The following ODAD2 variants were observed in gnomAD, a reference collection of about 807,000 sequenced individuals.
ODAD2 encodes the protein outer dynein arm-docking complex subunit 2.
A neutral mutation model predicts 106.8 loss-of-function variants in ODAD2; 89 were observed. The ratio of observed to expected loss-of-function variants is 0.83; its 90% confidence interval spans 0.70 to 0.99. The LOEUF (loss-of-function observed/expected upper bound fraction) is 0.99, where lower values mean the gene tolerates loss of function less well. Among genes scored for constraint, ODAD2 ranks in the 50% least tolerant of loss-of-function variants. The probability of loss-of-function intolerance (pLI) is 0.00; values close to 1 mark genes in which losing one functional copy is unlikely to be tolerated. For synonymous variants in ODAD2, 404 were observed against 436.2 expected, an observed-to-expected ratio of 0.93 and a Z score of 0.92; for missense variants, 1,168 against 1,238.5, an observed-to-expected ratio of 0.94 and a Z score of 0.85.
At chr10:27,841,507 T>C in intron 19 of ODAD2, among the ~76,000 whole-genome samples, 1 of 152,128 alleles carries the variant, frequency 6.6e-6, no homozygotes, top group Non-Finnish European at 1.5e-5. Context: ...GCAATTCTCC[T>C]GCTTCGGCCT....
chr10:27,885,482 G>A (rs1217091123), intron 17 of ODAD2, among the ~76,000 whole-genome samples: 1 of 108,250 alleles, frequency 9.2e-6, no homozygotes, highest in Non-Finnish European at 1.7e-5. Context: ...TGCACTTCAG[G>A]CTGGGTGACA....
intron 19 of ODAD2, among the ~76,000 whole-genome samples, chr10:27,853,651 CA>C (rs1340939464): frequency 6.6e-6 from 1 of 151,856 alleles, no homozygotes; most frequent in Non-Finnish European, 1.5e-5. Context: ...TTTTTAATTG[CA>C]AAAGAAATTC....
chr10:27,917,009 A>T (rs1844431958), intron 16 of ODAD2, among the ~76,000 whole-genome samples: 1 of 152,204 alleles, frequency 6.6e-6, no homozygotes, highest in Non-Finnish European at 1.5e-5. Context: ...AAGATAGAAA[A>T]GACTGAAAAA....
At chr10:27,884,001 G>T (rs973027835) in intron 17 of ODAD2, among the ~76,000 whole-genome samples, 1 of 151,686 alleles carries the variant, frequency 6.6e-6, no homozygotes, top group Non-Finnish European at 1.5e-5. Context: ...AGAGAAAGAG[G>T]CAGAAAGGAT....
rs774587003 is a variant in ODAD2, at chr10:27,944,248, TCA to T, written c.1715_1716del (p.Val572GlufsTer18). 1 of 1,613,220 alleles carries T rather than the reference TCA, an allele frequency of 6.2e-7. No homozygotes were observed. Among genetic ancestry groups the T allele is most frequent in the East Asian group, 2.2e-5 (1 of 44,786 alleles). ...AGTTTGGTGATACCCCCGTGCTGCCTCACCACCCGCCGTGCTCTTTTAAACTT... is the reference window on the plus strand; with the variant it reads ...AGTTTGGTGATACCCCCGTGCTGCCTCCACCCGCCGTGCTCTTTTAAACTT... ...VAKFKRARRV[V>X]RQHGGITKLV... is the part of the protein sequence containing the mutation. On this transcript the variant is annotated frameshift_variant, in exon 12 of 20. Transcript: ENST00000305242. LOFTEE classifies it high-confidence loss of function.
intron 2 of ODAD2, among the ~76,000 whole-genome samples, chr10:27,994,205 C>G (rs138140902): frequency 5.3e-5 from 8 of 151,924 alleles, no homozygotes; most frequent in African/African-American, 1.9e-4. Flanking sequence ...ATTTGAAAGG[C>G]TCTAATCTGA....
At position 27,817,048 on chromosome 10, in the gene ODAD2, C is replaced by T. The variant is rs139831826; in HGVS notation, c.3022-4423G>A. Among the ~76,000 whole-genome samples the T allele has an allele frequency of 3.0e-3, 450 of 152,280 alleles. 4 individuals are homozygous for T. Among genetic ancestry groups the T allele is most frequent in the African/African-American group, 0.011 (437 of 41,548 alleles). On this transcript the variant is annotated intron_variant, in intron 19 of 19. Coordinates refer to ENST00000305242, the MANE Select transcript of ODAD2 (RefSeq NM_018076.5). ...TACAGGCATGAGCCACCGTGCCCGG[C>T]CTGTTATGCAGTTTTATACATACAC...
intron 10 of ODAD2, among the ~76,000 whole-genome samples, chr10:27,953,719 A>T (rs1847526481): frequency 6.6e-6 from 1 of 152,224 alleles, no homozygotes; most frequent in African/African-American, 2.4e-5. Context: ...TATATAAATT[A>T]TATATGTATA....
chr10:27,949,345 A>G (rs1590111983), intron 10 of ODAD2, among the ~76,000 whole-genome samples: 1 of 152,310 alleles, frequency 6.6e-6, no homozygotes, highest in South Asian at 2.1e-4. Flanking sequence ...CAGAAACTAT[A>G]AATCTGAGAA....
intron 19 of ODAD2, among the ~76,000 whole-genome samples, chr10:27,824,231 CATCAAATCCTGCT>C (rs1372929032): frequency 6.7e-6 from 1 of 149,480 alleles, no homozygotes; most frequent in Non-Finnish European, 1.5e-5. Context: ...TCTAGGAGAA[CATCAAATCCTGCT>C]ATGGATTGAA....
intron 19 of ODAD2, among the ~76,000 whole-genome samples, chr10:27,831,073 G>A (rs1413287554): frequency 1.3e-5 from 2 of 152,290 alleles, no homozygotes; most frequent in East Asian, 3.9e-4. Context: ...GGGGAGGGAA[G>A]AGGCATGAGG....
rs1849558835 is a variant in ODAD2, at chr10:27,981,721, T to A, written c.820-139A>T. The A allele has an allele frequency of 4.9e-6, 3 of 608,364 alleles. No homozygotes were observed. In the Admixed American group the frequency reaches 9.4e-5, roughly 19 times the overall value. The allele number at this position is 608,364 out of a possible 1,614,324, so 37.7% of individuals were successfully genotyped here. On this transcript the variant is annotated intron_variant, in intron 6 of 19. Transcript: ENST00000305242. ...TGGTAGTTTTAATACAGGAAATGTATAGGCAAAATCCTTCCCCCTTAATTT... is the reference window on the plus strand; with the variant it reads ...TGGTAGTTTTAATACAGGAAATGTAAAGGCAAAATCCTTCCCCCTTAATTT...
chr10:27,921,296 A>G (rs1353341829), intron 16 of ODAD2, among the ~76,000 whole-genome samples: 1 of 150,792 alleles, frequency 6.6e-6, no homozygotes, highest in Non-Finnish European at 1.5e-5. Context: ...CCCCACCTCC[A>G]ACGAAAAAAA....
chr10:27,869,622 C>G (rs758546531), intron 17 of ODAD2, among the ~76,000 whole-genome samples: 1 of 151,716 alleles, frequency 6.6e-6, no homozygotes, highest in Non-Finnish European at 1.5e-5. Flanking sequence ...GCAACTTCCG[C>G]CCCCTAGGTT....
At chr10:27,983,756 T>G in intron 6 of ODAD2, 87 bp downstream of exon 6, 1 of 1,276,520 alleles carries the variant, frequency 7.8e-7, no homozygotes, top group Admixed American at 2.3e-5. Flanking sequence ...ATTCATTCTC[T>G]GTGGTCATTG....
chr10:27,961,827 G>A, intron 9 of ODAD2, 112 bp from the exon 10 acceptor site: 1 of 854,214 alleles, frequency 1.2e-6, no homozygotes. Flanking sequence ...TGCTTTGGGA[G>A]GCTGAGGTGG....
At position 27,998,998 on chromosome 10, in the gene ODAD2, G is replaced by C. The variant is rs369004195; in HGVS notation, c.-43C>G. On this transcript the variant is annotated 5_prime_UTR_variant, in exon 1 of 20. Transcript: ENST00000305242. ...GACCGCAGCCCAGTCCGTTACCCTG[G>C]TCTCGGGACCTCCGCGCATCCAAGA... The C allele has an allele frequency of 3.6e-4, 55 of 153,246 alleles. No homozygotes were observed. The highest frequency in any genetic ancestry group is 1.3e-3 in the African/African-American group (53 of 41,572). The allele number at this position is 153,246 out of a possible 1,614,324, so 9.5% of individuals were successfully genotyped here.
chr10:27,942,298 GA>G (rs1433703383), intron 12 of ODAD2, among the ~76,000 whole-genome samples: 15 of 152,158 alleles, frequency 9.9e-5, no homozygotes, highest in Non-Finnish European at 2.1e-4. Context: ...TTGTTTTGAT[GA>G]ATCTTTCTTA....
At chr10:27,968,081 C>T (rs1264838852) in intron 9 of ODAD2, among the ~76,000 whole-genome samples, 6 of 151,190 alleles carry the variant, frequency 4.0e-5, no homozygotes, top group Non-Finnish European at 8.8e-5. Flanking sequence ...ATGAAAGGCA[C>T]CATCATAACA....
Sources: allele counts gnomAD v4.1 joint callset (sites outside exome capture counted in the v4.1 genomes callset), GRCh38; gene constraint gnomAD v4.1.1; transcripts MANE v1.5; gene names NCBI Gene and HGNC (gene_info 2026-07-23, HGNC 2026-07-21).